The following CEP128 variants were observed in gnomAD, a reference collection of about 807,000 sequenced individuals.
CEP128 encodes the protein centrosomal protein 128.
CEP128 carries 132 observed loss-of-function variants against 156.7 expected under a neutral mutation model. That is an observed-to-expected ratio of 0.84 (90% confidence interval 0.73 to 0.97). CEP128 has a LOEUF of 0.97. Ranked by LOEUF, CEP128 falls within the 50% of genes least tolerant of loss-of-function variation. The pLI, the probability that CEP128 is intolerant of heterozygous loss-of-function variation, is 0.00. For synonymous variants in CEP128, 469 were observed against 448.9 expected (o/e 1.04, Z -0.57); for missense variants, 1,252 against 1,281.9 (o/e 0.98, Z 0.36).
intron 5 of CEP128, 32 bp downstream of exon 5, chr14:80,905,923 T>G (rs1210900382): frequency 6.2e-7 from 1 of 1,602,224 alleles, no homozygotes; most frequent in African/African-American, 1.3e-5. Context: ...AAAAATATTT[T>G]TAATGTTTTT....
chr14:80,791,378 T>C (rs1018099911), intron 14 of CEP128, among the ~76,000 whole-genome samples: 3 of 152,318 alleles, frequency 2.0e-5, no homozygotes, highest in Non-Finnish European at 2.9e-5. Flanking sequence ...TGGGAAATGA[T>C]TGTTAAACAA....
At chr14:80,958,550 G>T (rs1201067190) in intron 1 of CEP128, among the ~76,000 whole-genome samples, 1 of 152,148 alleles carries the variant, frequency 6.6e-6, no homozygotes, top group Non-Finnish European at 1.5e-5. Flanking sequence ...CAGAAAGCAG[G>T]AGGTTAGCAG....
Position 80,543,531 on chromosome 14 carries a change from A to C in CEP128, c.2881-12645T>G, listed in dbSNP as rs570812760. The stretch of plus-strand genomic sequence containing the variant: ...GTACATATGGAGTACATGTGAGCAC[A>C]AGTATATATTTTTGAAGTTGGCCTG... On this transcript the variant is annotated intron_variant, in intron 21 of 24. Transcript: ENST00000555265. 8.1e-4 allele frequency among the ~76,000 whole-genome samples: 123 copies of C among 152,342 alleles called. 2 individuals are homozygous for C. The Middle Eastern group carries it at 0.01, about 13-fold the overall frequency.
chr14:80,600,643 T>G (rs775616492), intron 19 of CEP128, among the ~76,000 whole-genome samples: 1 of 152,172 alleles, frequency 6.6e-6, no homozygotes, highest in African/African-American at 2.4e-5. Flanking sequence ...TCAGTAAAGG[T>G]AACTATATAG....
chr14:80,836,734 T>C (rs1156286672), intron 11 of CEP128, among the ~76,000 whole-genome samples: 1 of 152,230 alleles, frequency 6.6e-6, no homozygotes. Context: ...TTTAGCATAT[T>C]TTGATACTAA....
intron 15 of CEP128, among the ~76,000 whole-genome samples, chr14:80,784,126 T>C (rs968755604): frequency 2.0e-5 from 3 of 152,174 alleles, no homozygotes; most frequent in African/African-American, 4.8e-5. Context: ...ACCTATTCAA[T>C]AGATATTTAC....
At chr14:80,897,749 T>C (rs1838420467) in intron 7 of CEP128, among the ~76,000 whole-genome samples, 1 of 151,910 alleles carries the variant, frequency 6.6e-6, no homozygotes, top group Admixed American at 6.6e-5. Context: ...CATATACTAG[T>C]GCAACAGACT....
intron 2 of CEP128, among the ~76,000 whole-genome samples, chr14:80,922,469 A>C (rs1884919341): frequency 6.6e-6 from 1 of 152,246 alleles, no homozygotes; most frequent in Admixed American, 6.5e-5. Context: ...CTAGATTCAA[A>C]GATGACTCAC....
At chr14:80,728,692 T>A (rs1349087956) in intron 19 of CEP128, among the ~76,000 whole-genome samples, 2 of 152,184 alleles carry the variant, frequency 1.3e-5, no homozygotes, top group Admixed American at 1.3e-4. Flanking sequence ...TTAACGTATT[T>A]CAGCCAAAAC....
intron 19 of CEP128, among the ~76,000 whole-genome samples, chr14:80,682,414 C>T (rs1386127259): frequency 6.6e-6 from 1 of 152,106 alleles, no homozygotes; most frequent in Non-Finnish European, 1.5e-5. Context: ...AATTTTAAAA[C>T]ATGAATTAAT....
At chr14:80,782,171 T>C (rs956347021) in intron 15 of CEP128, among the ~76,000 whole-genome samples, 1 of 152,206 alleles carries the variant, frequency 6.6e-6, no homozygotes. Context: ...TTCACTGTGG[T>C]TTTTGGCATG....
chr14:80,944,860 G>C (rs887298827), upstream of CEP128, among the ~76,000 whole-genome samples: 30 of 43,492 alleles, frequency 6.9e-4, no homozygotes, highest in South Asian at 5.5e-3. Context: ...AAAAAAAACA[G>C]AAAAAACAGA....
chr14:80,920,652 C>T (rs1399587748), intron 2 of CEP128, among the ~76,000 whole-genome samples: 2 of 152,104 alleles, frequency 1.3e-5, no homozygotes, highest in Admixed American at 6.5e-5. Context: ...TATTGAGAGT[C>T]GTCACATAAG....
At chr14:80,934,123 ACACTTCCCC>A (rs1399061501) in intron 2 of CEP128, among the ~76,000 whole-genome samples, 4 of 152,166 alleles carry the variant, frequency 2.6e-5, no homozygotes, top group African/African-American at 9.7e-5. Context: ...ACACTGTGAC[ACACTTCCCC>A]CACCCTCTGC....
intron 19 of CEP128, among the ~76,000 whole-genome samples, chr14:80,637,455 A>C (rs1005414216): frequency 1.3e-5 from 2 of 152,206 alleles, no homozygotes; most frequent in Non-Finnish European, 2.9e-5. Context: ...TCATTTTCTC[A>C]ATTTTCATCT....
At chr14:80,676,364 G>A (rs1329929436) in intron 19 of CEP128, among the ~76,000 whole-genome samples, 1 of 151,678 alleles carries the variant, frequency 6.6e-6, no homozygotes, top group Non-Finnish European at 1.5e-5. Flanking sequence ...TCTACTGCTG[G>A]TGAACATGTT....
intron 13 of CEP128, among the ~76,000 whole-genome samples, chr14:80,825,044 G>A (rs1861252281): frequency 6.6e-6 from 1 of 152,204 alleles, no homozygotes; most frequent in Admixed American, 6.5e-5. Flanking sequence ...GATAAGAGAA[G>A]AGAGCTTGTG....
At position 80,906,082 on chromosome 14, in the gene CEP128, C is replaced by G; in HGVS notation, c.235-1G>C. 1 of 1,588,078 alleles carries G rather than the reference C, an allele frequency of 6.3e-7. No homozygotes were observed. Among genetic ancestry groups the G allele is most frequent in the Non-Finnish European group, 8.5e-7 (1 of 1,170,490 alleles). Reference sequence around the variant, plus strand: ...TTGATTGTTCCAAGCTTTCTTTTAACTAATTTAAAGAATATAATGAATGAA... The same window carrying G: ...TTGATTGTTCCAAGCTTTCTTTTAAGTAATTTAAAGAATATAATGAATGAA... On this transcript the variant is annotated splice_acceptor_variant, in intron 4 of 24. Coordinates refer to ENST00000555265, the MANE Select transcript of CEP128 (RefSeq NM_152446.5). LOFTEE classifies it high-confidence loss of function.
chr14:80,750,976 T>C (rs544633388), intron 18 of CEP128, among the ~76,000 whole-genome samples: 3 of 152,206 alleles, frequency 2.0e-5, no homozygotes, highest in Middle Eastern at 3.4e-3. Context: ...GAAGAAGAGA[T>C]AGCAGAACTC....
Sources: allele counts gnomAD v4.1 joint callset (sites outside exome capture counted in the v4.1 genomes callset), GRCh38; gene constraint gnomAD v4.1.1; transcripts MANE v1.5; gene names NCBI Gene and HGNC (gene_info 2026-07-23, HGNC 2026-07-21).